FGFR2: variants seen among roughly 807,000 people sequenced by gnomAD.
FGFR2 encodes the protein BEK fibroblast growth factor receptor.
A neutral mutation model predicts 95.9 loss-of-function variants in FGFR2; 19 were observed. That is an observed-to-expected ratio of 0.20 (90% CI 0.14 to 0.29). FGFR2 has a LOEUF of 0.29. Among genes scored for constraint, FGFR2 ranks in the 10% least tolerant of loss-of-function variants. FGFR2 has a pLI of 1.00. For missense variants in FGFR2, 707 were observed against 1,056.9 expected, an observed-to-expected ratio of 0.67 and a Z score of 4.59; for synonymous variants, 392 against 393.3, an observed-to-expected ratio of 1.00 and a Z score of 0.04.
chr10:121,558,610 GTTT>G (rs1212018020), intron 4 of FGFR2, among the ~76,000 whole-genome samples: 1 of 139,418 alleles, frequency 7.2e-6, no homozygotes, highest in Non-Finnish European at 1.6e-5. Context: ...ACAGTTTTTT[GTTT>G]TTTTTTTTTT....
chr10:121,560,353 G>A (rs542063158), intron 4 of FGFR2, among the ~76,000 whole-genome samples: 1 of 152,146 alleles, frequency 6.6e-6, no homozygotes, highest in Non-Finnish European at 1.5e-5. Context: ...CGTGGCTCAC[G>A]CCTGTAATCC....
intron 13 of FGFR2, 145 bp downstream of exon 13, chr10:121,496,387 T>C (rs951401205): frequency 2.2e-5 from 19 of 874,868 alleles, no homozygotes; most frequent in African/African-American, 2.1e-4. Flanking sequence ...TAAACTCAAA[T>C]GGGAATAACG....
intron 6 of FGFR2, among the ~76,000 whole-genome samples, chr10:121,532,491 G>A (rs1466621686): frequency 3.9e-5 from 6 of 152,124 alleles, no homozygotes; most frequent in African/African-American, 1.2e-4. Context: ...GAATTAACAG[G>A]TTAATTAATT....
At chr10:121,523,917 C>T (rs889875537) in intron 6 of FGFR2, among the ~76,000 whole-genome samples, 1 of 152,198 alleles carries the variant, frequency 6.6e-6, no homozygotes, top group Non-Finnish European at 1.5e-5. Flanking sequence ...CATGATGCCC[C>T]GTGAACAATG....
intron 4 of FGFR2, among the ~76,000 whole-genome samples, chr10:121,563,785 C>T (rs1022659205): frequency 9.9e-5 from 15 of 152,186 alleles, no homozygotes; most frequent in South Asian, 2.1e-4. Flanking sequence ...CAAGAGGCTA[C>T]GCCATGTTCT....
At chr10:121,506,960 G>A (rs548873143) in intron 9 of FGFR2, among the ~76,000 whole-genome samples, 2 of 152,288 alleles carry the variant, frequency 1.3e-5, no homozygotes, top group East Asian at 1.9e-4. Context: ...AAAAGAAAAC[G>A]AAGGGCATAT....
At chr10:121,535,964 G>A (rs945402780) in intron 6 of FGFR2, among the ~76,000 whole-genome samples, 3 of 152,142 alleles carry the variant, frequency 2.0e-5, no homozygotes, top group African/African-American at 7.2e-5. Context: ...ATGTATCATA[G>A]AAACAAAAAT....
intron 2 of FGFR2, among the ~76,000 whole-genome samples, chr10:121,567,548 G>A (rs1857868070): frequency 6.6e-6 from 1 of 152,228 alleles, no homozygotes; most frequent in South Asian, 2.1e-4. Context: ...TGCACTTGTG[G>A]AGCGTCCATT....
chr10:121,582,089 C>T (rs902557120), intron 2 of FGFR2, among the ~76,000 whole-genome samples: 10 of 151,980 alleles, frequency 6.6e-5, no homozygotes, highest in Admixed American at 4.6e-4. Context: ...CTGCCACCAC[C>T]CCCGGCTAAT....
intron 6 of FGFR2, among the ~76,000 whole-genome samples, chr10:121,524,930 G>T (rs150081709): frequency 1.8e-3 from 279 of 152,314 alleles, no homozygotes; most frequent in Middle Eastern, 6.8e-3. Context: ...ATCTCTGGGC[G>T]AGAGACTAAA....
intron 2 of FGFR2, among the ~76,000 whole-genome samples, chr10:121,569,815 G>A (rs781024998): frequency 6.6e-6 from 1 of 152,184 alleles, no homozygotes; most frequent in African/African-American, 2.4e-5. Context: ...CACCCCTTCA[G>A]TGGTCATTTC....
At chr10:121,493,300 C>T (rs574600028) in intron 13 of FGFR2, among the ~76,000 whole-genome samples, 19 of 152,146 alleles carry the variant, frequency 1.2e-4, no homozygotes, top group African/African-American at 3.1e-4. Context: ...CGTTCTTCCA[C>T]GATTAAATGG....
intron 6 of FGFR2, among the ~76,000 whole-genome samples, chr10:121,528,847 C>G (rs1214740624): frequency 1.3e-5 from 2 of 152,304 alleles, no homozygotes; most frequent in South Asian, 2.1e-4. Flanking sequence ...AAGTCAGGCC[C>G]CAGCCCCAGT....
At chr10:121,492,380 C>A (rs1846251991) in intron 13 of FGFR2, among the ~76,000 whole-genome samples, 1 of 152,066 alleles carries the variant, frequency 6.6e-6, no homozygotes, top group African/African-American at 2.4e-5. Context: ...CTCCAATCCC[C>A]AACCCCTACC....
intron 5 of FGFR2, among the ~76,000 whole-genome samples, chr10:121,548,557 T>C (rs1037455489): frequency 6.6e-6 from 1 of 152,226 alleles, no homozygotes; most frequent in Middle Eastern, 3.4e-3. Flanking sequence ...TCTTAGCATA[T>C]TTGTAATCAC....
intron 9 of FGFR2, among the ~76,000 whole-genome samples, chr10:121,514,706 G>A (rs1045848372): frequency 2.2e-4 from 33 of 152,136 alleles, no homozygotes; most frequent in African/African-American, 3.1e-4. Context: ...AGTCTCTTTC[G>A]TACTAGTGGC....
intron 17 of FGFR2, among the ~76,000 whole-genome samples, chr10:121,480,912 G>A (rs1278655134): frequency 6.6e-6 from 1 of 150,526 alleles, no homozygotes; most frequent in East Asian, 2.0e-4. Context: ...TTGGTAAGCG[G>A]TTGAAAAAAA....
chr10:121,505,659 C>T (rs1215338205), intron 9 of FGFR2, among the ~76,000 whole-genome samples: 1 of 152,192 alleles, frequency 6.6e-6, no homozygotes, highest in Non-Finnish European at 1.5e-5. Context: ...GCATAAGCCC[C>T]ACCCTGGATG....
At chr10:121,519,032 G>A (rs984689671) in intron 7 of FGFR2, among the ~76,000 whole-genome samples, 5 of 152,220 alleles carry the variant, frequency 3.3e-5, no homozygotes, top group African/African-American at 4.8e-5. Context: ...AGGAGGGTGT[G>A]AGCGATAGCT....
Sources: allele counts gnomAD v4.1 joint callset (sites outside exome capture counted in the v4.1 genomes callset), GRCh38; gene constraint gnomAD v4.1.1; transcripts MANE v1.5; gene names NCBI Gene and HGNC (gene_info 2026-07-23, HGNC 2026-07-21).